CACUL1: variants seen among roughly 807,000 people sequenced by gnomAD.
The protein encoded by CACUL1 is CDK2-associated and cullin domain-containing protein 1.
Under a neutral mutation model 45.2 loss-of-function variants are expected in CACUL1, and 13 were observed. The observed-to-expected ratio is 0.29, with a 90% CI of 0.19 to 0.46. The LOEUF (loss-of-function observed/expected upper bound fraction) is 0.46. CACUL1 is among the 20% of genes least tolerant of loss of function. The probability of loss-of-function intolerance (pLI) is 1.00; values close to 1 mark genes in which losing one functional copy is unlikely to be tolerated. For synonymous variants in CACUL1, 197 were observed against 174.2 expected (o/e 1.13, Z -1.03); for missense variants, 421 against 471.4 (o/e 0.89, Z 0.99).
intron 1 of CACUL1, among the ~76,000 whole-genome samples, chr10:118,744,618 T>C (rs956908710): frequency 3.9e-5 from 6 of 152,284 alleles, no homozygotes; most frequent in Admixed American, 3.9e-4. Context: ...CACTTTAAAA[T>C]AGTTAATTGT....
chr10:118,745,194 A>G (rs1378072153), intron 1 of CACUL1, among the ~76,000 whole-genome samples: 1 of 152,190 alleles, frequency 6.6e-6, no homozygotes, highest in East Asian at 1.9e-4. Flanking sequence ...AGTAACCCCC[A>G]AAGAGCAAAA....
At position 118,679,948 on chromosome 10, in the gene CACUL1, T is replaced by G. The variant is rs1316093881; in HGVS notation, c.*6180A>C. 6.6e-6 allele frequency: 1 copy of G among 152,158 alleles called. No homozygotes were observed. The highest frequency in any genetic ancestry group is 1.9e-4 in the East Asian group (1 of 5,194). The allele number at this position is 152,158 out of a possible 1,614,324, so 9.4% of individuals were successfully genotyped here. On this transcript the variant is annotated 3_prime_UTR_variant, in exon 9 of 9. Transcript: ENST00000369151. ...ATTACAGGTGTGAGCCACTTTTTCTTTACATATTTTGAGGTATACTATTAG... is the reference window on the plus strand; with the variant it reads ...ATTACAGGTGTGAGCCACTTTTTCTGTACATATTTTGAGGTATACTATTAG...
chr10:118,730,509 T>C (rs1439970695), intron 1 of CACUL1, 99 bp from the exon 2 acceptor site: 1 of 1,189,450 alleles, frequency 8.4e-7, no homozygotes, highest in East Asian at 2.6e-5. Flanking sequence ...CACTTACTCT[T>C]CTGATTTTAC....
At position 118,685,828 on chromosome 10, in the gene CACUL1, GTCAGATT is replaced by G. The variant is rs755159581; in HGVS notation, c.*293_*299del. On this transcript the variant is annotated 3_prime_UTR_variant, in exon 9 of 9. Coordinates refer to ENST00000369151, the MANE Select transcript of CACUL1 (RefSeq NM_153810.5). ...TTGGAGGAAGCTGCTGATTTTGGCT[GTCAGATT>G]TCACTTAGAAATGGTCACTTTCTGA... The G allele has an allele frequency of 2.0e-4, 50 of 245,034 alleles. No individual in the cohort carries two copies. The highest frequency in any genetic ancestry group is 3.2e-4 in the Non-Finnish European group (41 of 129,326). 15.2% of individuals were successfully genotyped at this position (245,034 alleles called of 1,614,324 possible).
At chr10:118,753,652 C>T (rs1408518667) in intron 1 of CACUL1, among the ~76,000 whole-genome samples, 1 of 152,210 alleles carries the variant, frequency 6.6e-6, no homozygotes, top group Non-Finnish European at 1.5e-5. Context: ...TTAATGCGTG[C>T]AATTGAGCGT....
chr10:118,686,059 C>A lies in CACUL1; in HGVS notation c.*69G>T. On this transcript the variant is annotated 3_prime_UTR_variant, in exon 9 of 9. Coordinates refer to ENST00000369151, the MANE Select transcript of CACUL1 (RefSeq NM_153810.5). ...CTGAGTGTGTGCAGCCCCCACTGTG[C>A]TCTGAATACAGTCTCTGCAGCTCCA... is the stretch of plus-strand genomic sequence containing the variant. The A allele has an allele frequency of 4.1e-6, 5 of 1,204,994 alleles. No homozygotes were observed. Among genetic ancestry groups the A allele is most frequent in the Non-Finnish European group, 6.2e-6 (5 of 810,448 alleles). 74.6% of individuals were successfully genotyped at this position (1,204,994 alleles called of 1,614,324 possible).
rs1027223506 is a variant in CACUL1 at position 118,704,054 on chromosome 10, C to T, written c.694-2646G>A. On this transcript the variant is annotated intron_variant, in intron 4 of 8. Coordinates refer to ENST00000369151, the MANE Select transcript of CACUL1 (RefSeq NM_153810.5). Reference sequence around the variant, plus strand: ...GTCATAGTCTGATATTTTCTTCCAGCCTGGGTGACAGAGCGAGACTCCGTC... The same window carrying T: ...GTCATAGTCTGATATTTTCTTCCAGTCTGGGTGACAGAGCGAGACTCCGTC... Among the ~76,000 whole-genome samples, 11 of 151,718 alleles carry T rather than the reference C, an allele frequency of 7.3e-5. No individual in the cohort carries two copies. In the East Asian group the frequency reaches 1.7e-3, roughly 24 times the overall value.
rs115893412 is a variant in CACUL1 at position 118,726,900 on chromosome 10, C to A, written c.597+2395G>T. On this transcript the variant is annotated intron_variant, in intron 3 of 8. Transcript: ENST00000369151. ...TGAGTGACAGAGCTGGAAACAGAGCCCTGGATCCCCATGTTTTAAACCACT... is the reference window on the plus strand; with the variant it reads ...TGAGTGACAGAGCTGGAAACAGAGCACTGGATCCCCATGTTTTAAACCACT... 5.6e-3 allele frequency among the ~76,000 whole-genome samples: 846 copies of A among 152,072 alleles called. 10 individuals carry two copies. The highest frequency in any genetic ancestry group is 0.019 in the African/African-American group (773 of 41,472).
At chr10:118,700,687 A>C (rs898018606) in intron 5 of CACUL1, among the ~76,000 whole-genome samples, 1 of 146,858 alleles carries the variant, frequency 6.8e-6, no homozygotes, top group African/African-American at 2.6e-5. Context: ...ACTGCACTCC[A>C]GTCTAGGCGA....
chr10:118,744,407 C>A (rs1589619948), intron 1 of CACUL1, among the ~76,000 whole-genome samples: 2 of 151,380 alleles, frequency 1.3e-5, no homozygotes, highest in Non-Finnish European at 1.5e-5. Context: ...CAAAAACAAA[C>A]AAAAAAAACA....
At chr10:118,709,059 T>G (rs1845460094) in intron 3 of CACUL1, among the ~76,000 whole-genome samples, 1 of 152,218 alleles carries the variant, frequency 6.6e-6, no homozygotes, top group Admixed American at 6.5e-5. Context: ...ACATAAACCA[T>G]CAGTTAACAC....
intron 1 of CACUL1, among the ~76,000 whole-genome samples, chr10:118,745,552 C>A (rs982907316): frequency 8.0e-5 from 12 of 150,940 alleles, no homozygotes; most frequent in Admixed American, 7.2e-4. Flanking sequence ...CAGAGTGAGA[C>A]TCCGTCTCAA....
chr10:118,751,583 T>TA (rs1337292963), intron 1 of CACUL1, among the ~76,000 whole-genome samples: 134 of 152,302 alleles, frequency 8.8e-4, no homozygotes, highest in Non-Finnish European at 5.4e-4. Flanking sequence ...TTCTCGCACT[T>TA]ACACCACTTT....
chr10:118,680,767 G>GT lies in CACUL1; in HGVS notation c.*5360dup, dbSNP rs1352885191. On this transcript the variant is annotated 3_prime_UTR_variant, in exon 9 of 9. Coordinates refer to ENST00000369151, the MANE Select transcript of CACUL1 (RefSeq NM_153810.5). ...GACCATATGTATATTGTTACACACT[G>GT]TTTTTTAGCACTGGTTGCAGAAGTC... The GT allele has an allele frequency of 2.6e-5, 4 of 152,200 alleles. No homozygotes were observed. The highest frequency in any genetic ancestry group is 9.7e-5 in the African/African-American group (4 of 41,446). The allele number at this position is 152,200 out of a possible 1,614,324, so 9.4% of individuals were successfully genotyped here. A position where few individuals can be genotyped will look rare whatever the true frequency, so the allele number is the denominator to read the frequency against.
chr10:118,747,771 A>G (rs1193658768), intron 1 of CACUL1, among the ~76,000 whole-genome samples: 1 of 152,186 alleles, frequency 6.6e-6, no homozygotes, highest in Non-Finnish European at 1.5e-5. Flanking sequence ...GGAAGCAGGC[A>G]GCGTTAACTG....
intron 7 of CACUL1, among the ~76,000 whole-genome samples, chr10:118,690,330 AAGAG>A (rs1845252464): frequency 6.7e-6 from 1 of 149,092 alleles, no homozygotes; most frequent in African/African-American, 2.5e-5. Context: ...AAAAAAAAAA[AAGAG>A]TAAGGATTAT....
chr10:118,719,260 G>C (rs1845578600), intron 3 of CACUL1, among the ~76,000 whole-genome samples: 1 of 152,096 alleles, frequency 6.6e-6, no homozygotes, highest in Non-Finnish European at 1.5e-5. Context: ...TGGCATTTTT[G>C]TATCCCATAC....
intron 3 of CACUL1, among the ~76,000 whole-genome samples, chr10:118,722,977 T>C (rs1845615172): frequency 6.6e-6 from 1 of 152,160 alleles, no homozygotes; most frequent in African/African-American, 2.4e-5. Flanking sequence ...TGCATATAAT[T>C]AAAAGTAGGT....
chr10:118,690,924 G>A (rs1041479095), intron 7 of CACUL1, among the ~76,000 whole-genome samples: 4 of 152,122 alleles, frequency 2.6e-5, no homozygotes, highest in African/African-American at 7.2e-5. Context: ...GGTGGCACAC[G>A]CCTGTAATCC....
Sources: gnomAD v4.1 joint callset for allele counts (sites outside exome capture counted in the v4.1 genomes callset) on GRCh38, gnomAD v4.1.1 for gene constraint, MANE v1.5 for transcripts, NCBI Gene and HGNC (gene_info 2026-07-23, HGNC 2026-07-21) for gene names.